Variants in BRF1 observed in about 807,000 individuals in gnomAD.
The protein encoded by BRF1 is BRF1 general transcription factor IIIB subunit.
In BRF1, 59 loss-of-function variants were observed where a neutral mutation model predicts 81.7. That is an observed-to-expected ratio of 0.72 (90% CI 0.59 to 0.90). BRF1 has a LOEUF of 0.90. Ranked by LOEUF, BRF1 falls within the 40% of genes least tolerant of loss-of-function variation. The pLI is 0.00. For synonymous variants in BRF1, 491 were observed against 395.6 expected, an observed-to-expected ratio of 1.24 and a Z score of -2.86; for missense variants, 1,050 against 936.3, an observed-to-expected ratio of 1.12 and a Z score of -1.58.
chr14:105,216,928 C>T (rs587694250), intron 15 of BRF1, among the ~76,000 whole-genome samples: 32 of 152,332 alleles, frequency 2.1e-4, no homozygotes, highest in African/African-American at 7.0e-4. Flanking sequence ...GCCCCCAAGA[C>T]GCAGCAGGTG....
At chr14:105,216,273 A>G (rs866793164) in intron 15 of BRF1, among the ~76,000 whole-genome samples, 3 of 152,212 alleles carry the variant, frequency 2.0e-5, no homozygotes, top group Non-Finnish European at 4.4e-5. Context: ...CCCAACTGGG[A>G]CAGGACCCCC....
upstream of BRF1, among the ~76,000 whole-genome samples, chr14:105,305,908 C>T (rs1208863771): frequency 2.6e-5 from 4 of 152,244 alleles, no homozygotes; most frequent in Admixed American, 1.3e-4. Flanking sequence ...TCACTCGCAC[C>T]GCGCCAAAGA....
intron 3 of BRF1, among the ~76,000 whole-genome samples, chr14:105,257,747 C>T (rs866580732): frequency 6.6e-5 from 10 of 152,290 alleles, no homozygotes; most frequent in East Asian, 5.8e-4. Flanking sequence ...CCTGGGGAAA[C>T]GCCCGTGACA....
chr14:105,282,042 A>T (rs2057128067), intron 2 of BRF1, among the ~76,000 whole-genome samples: 1 of 152,176 alleles, frequency 6.6e-6, no homozygotes, highest in Admixed American at 6.5e-5. Flanking sequence ...GTCGCTTCAG[A>T]ACATCAAAGA....
Position 105,284,208 on chromosome 14 carries a change from C to T in BRF1, c.265+2088G>A, listed in dbSNP as rs888318457. ...ACCCGGCCACGGCTCGAAGCATTTCCGAAGACTGAAATCACACAGAGGGTG... is the reference window on the plus strand; with the variant it reads ...ACCCGGCCACGGCTCGAAGCATTTCTGAAGACTGAAATCACACAGAGGGTG... On this transcript the variant is annotated intron_variant, in intron 2 of 17. Coordinates refer to ENST00000547530, the MANE Select transcript of BRF1 (RefSeq NM_001519.4). This position sits in a 1 kb window ranked among gnomAD's most constrained non-coding sequence, Gnocchi z 4.0. Among the ~76,000 whole-genome samples the T allele has an allele frequency of 3.3e-5, 5 of 152,194 alleles. No individual in the cohort carries two copies. The highest frequency in any genetic ancestry group is 5.9e-5 in the Non-Finnish European group (4 of 67,990).
chr14:105,272,684 A>G, intron 3 of BRF1, 37 bp downstream of exon 3: 1 of 1,560,686 alleles, frequency 6.4e-7, no homozygotes, highest in Non-Finnish European at 8.7e-7. Flanking sequence ...AAGCATCAAG[A>G]TGGGGCCCTC....
rs1256072016 is a variant in BRF1, at chr14:105,211,408, T to TGG, written c.1825-117_1825-116dup. ...TGCTCAGCCACTCCCGCCACACCAG[T>TGG]GGCTCCCGGGGTTGGCCAGGGCTCC... On this transcript the variant is annotated intron_variant, in intron 16 of 17. Coordinates refer to ENST00000547530, the MANE Select transcript of BRF1 (RefSeq NM_001519.4). The TGG allele has an allele frequency of 1.9e-5, 20 of 1,045,752 alleles. No homozygotes were observed. The African/African-American group carries it at 2.8e-4, about 14-fold the overall frequency. The allele number at this position is 1,045,752 out of a possible 1,614,324, so 64.8% of individuals were successfully genotyped here.
At chr14:105,313,856 C>G (rs971732806) in intron 1 of BRF1, among the ~76,000 whole-genome samples, 1 of 152,246 alleles carries the variant, frequency 6.6e-6, no homozygotes, top group African/African-American at 2.4e-5. Context: ...GGGAAGCACC[C>G]TCCCTGAGCC....
Position 105,252,587 on chromosome 14 carries a change from GGA to G in BRF1, c.472-10_472-9del. 6.2e-7 allele frequency: 1 copy of G among 1,610,796 alleles called. No individual in the cohort carries two copies. The highest frequency in any genetic ancestry group is 1.3e-5 in the African/African-American group (1 of 74,872). The stretch of plus-strand genomic sequence containing the variant: ...AAGCACGTACACATTCACCTGAGAT[GGA>G]GAGATCACAACCAGAAACAGCATTG... On this transcript the variant is annotated splice_polypyrimidine_tract_variant and intron_variant, in intron 4 of 17. Transcript: ENST00000547530.
intron 3 of BRF1, among the ~76,000 whole-genome samples, chr14:105,264,524 G>A (rs186446628): frequency 1.5e-3 from 223 of 151,956 alleles, no homozygotes; most frequent in African/African-American, 5.0e-3. Flanking sequence ...AAAATTAGCC[G>A]GGCATGGTGG....
chr14:105,217,273 C>A (rs1243631867), intron 15 of BRF1: 1 of 578,664 alleles, frequency 1.7e-6, no homozygotes. Context: ...ATTGTCCCAG[C>A]CCCTCCTTGG....
intron 5 of BRF1, 196 bp from the exon 6 acceptor site, chr14:105,241,610 C>A (rs983402114): frequency 1.0e-5 from 7 of 694,918 alleles, no homozygotes; most frequent in African/African-American, 3.6e-5. Flanking sequence ...AGGAGAGCCA[C>A]TGGCCACCTG....
chr14:105,281,553 G>A (rs1202376086), intron 2 of BRF1, among the ~76,000 whole-genome samples: 9 of 150,486 alleles, frequency 6.0e-5, no homozygotes, highest in Admixed American at 2.0e-4. Flanking sequence ...TCCTGAGCCC[G>A]GGTGTGTGGA....
intron 7 of BRF1, 169 bp from the exon 8 acceptor site, chr14:105,226,929 T>G (rs1207298401): frequency 1.1e-5 from 9 of 847,580 alleles, no homozygotes; most frequent in Admixed American, 3.1e-5. Flanking sequence ...GGCAACACAG[T>G]GAGACTCTGT....
chr14:105,312,222 AGAGGAAAGGCCTCGGCCCATCCT>A (rs1159752764), intron 1 of BRF1, among the ~76,000 whole-genome samples: 1 of 152,258 alleles, frequency 6.6e-6, no homozygotes, highest in Non-Finnish European at 1.5e-5. Flanking sequence ...CCAGGCGGAC[AGAGGAAAGGCCTCGGCCCATCCT>A]GTCCCATGAC....
intron 2 of BRF1, among the ~76,000 whole-genome samples, chr14:105,279,280 C>T (rs1463167641): frequency 4.6e-5 from 7 of 152,058 alleles, no homozygotes; most frequent in Admixed American, 2.6e-4. Flanking sequence ...AAGCTACAGA[C>T]GTGGGAGGAG....
At chr14:105,267,195 A>G (rs1298926761) in intron 3 of BRF1, among the ~76,000 whole-genome samples, 1 of 152,282 alleles carries the variant, frequency 6.6e-6, no homozygotes, top group African/African-American at 2.4e-5. Flanking sequence ...TACAAAACTC[A>G]GCTAAACCTC....
chr14:105,211,011 GA>G, intron 17 of BRF1, 110 bp downstream of exon 17: 1 of 1,496,372 alleles, frequency 6.7e-7, no homozygotes, highest in Non-Finnish European at 8.9e-7. Flanking sequence ...TTTCCAGGGA[GA>G]AACAGAAATT....
chr14:105,286,428 C>T, intron 1 of BRF1, 52 bp from the exon 2 acceptor site: 1 of 1,540,402 alleles, frequency 6.5e-7, no homozygotes, highest in Non-Finnish European at 8.9e-7. Context: ...TCTGCATTTA[C>T]AACCCTTTCC....
Sources: gnomAD v4.1 joint callset for allele counts (sites outside exome capture counted in the v4.1 genomes callset) on GRCh38, gnomAD v4.1.1 for gene constraint, Gnocchi (gnomAD v3.1) non-coding constraint, MANE v1.5 for transcripts, NCBI Gene and HGNC (gene_info 2026-07-23, HGNC 2026-07-21) for gene names.